The following OAS2 variants were observed in gnomAD, a reference collection of about 807,000 sequenced individuals.
OAS2 encodes 2'-5'-oligoadenylate synthase 2.
A neutral mutation model predicts 71.3 loss-of-function variants in OAS2; 67 were observed. The observed-to-expected ratio is 0.94, with a 90% CI of 0.77 to 1.15. The LOEUF is 1.15. OAS2 is among the 50% of genes most tolerant of loss of function. The probability of loss-of-function intolerance (pLI) is 0.00; values close to 1 mark genes in which losing one functional copy is unlikely to be tolerated. For synonymous variants in OAS2, 327 were observed against 321.8 expected, an observed-to-expected ratio of 1.02 and a Z score of -0.17; for missense variants, 789 against 822.5, an observed-to-expected ratio of 0.96 and a Z score of 0.50.
At chr12:112,995,566 CA>C (rs2044226629) in intron 3 of OAS2, 92 bp downstream of exon 3, 5 of 1,172,884 alleles carry the variant, frequency 4.3e-6, no homozygotes, top group Non-Finnish European at 6.1e-6. Flanking sequence ...CTTAGGTATA[CA>C]GCTCAACGCA....
At chr12:112,982,195 T>C (rs2044088884) in intron 1 of OAS2, among the ~76,000 whole-genome samples, 1 of 152,196 alleles carries the variant, frequency 6.6e-6, no homozygotes, top group Non-Finnish European at 1.5e-5. Context: ...TGACTTTTTC[T>C]TTTCCTATTT....
chr12:112,990,253 A>G (rs951347751), intron 2 of OAS2, among the ~76,000 whole-genome samples: 10 of 152,244 alleles, frequency 6.6e-5, no homozygotes, highest in Admixed American at 4.6e-4. Context: ...TGATTAGGTT[A>G]CAGCTTGATT....
chr12:113,008,272 G>T (rs1230836536), intron 9 of OAS2, among the ~76,000 whole-genome samples: 2 of 152,120 alleles, frequency 1.3e-5, no homozygotes, highest in Non-Finnish European at 2.9e-5. Context: ...TTGGGTTAGG[G>T]TTTATCTACT....
At chr12:113,007,977 C>A in intron 9 of OAS2, 34 bp downstream of exon 9, 1 of 1,478,986 alleles carries the variant, frequency 6.8e-7, no homozygotes, top group Non-Finnish European at 9.5e-7. Context: ...TTTTCTTAAC[C>A]TGATTCCCTT....
At chr12:112,979,367 A>G (rs2044058410) in intron 1 of OAS2, among the ~76,000 whole-genome samples, 1 of 152,126 alleles carries the variant, frequency 6.6e-6, no homozygotes. Context: ...ATGGCCCAAT[A>G]CTATCCTCTT....
chr12:112,995,208 C>A, intron 2 of OAS2, 88 bp from the exon 3 acceptor site: 1 of 1,236,256 alleles, frequency 8.1e-7, no homozygotes, highest in Non-Finnish European at 1.1e-6. Context: ...TGCTATCAAA[C>A]TATAACTGAC....
At chr12:113,008,767 C>G (rs975252637) in intron 9 of OAS2, among the ~76,000 whole-genome samples, 15 of 152,136 alleles carry the variant, frequency 9.9e-5, no homozygotes, top group African/African-American at 3.4e-4. Flanking sequence ...GCTGGGACTA[C>G]AGGTGCGCAC....
chr12:112,998,482 A>AGAT (rs1304564038), intron 5 of OAS2, 72 bp downstream of exon 5: 1 of 1,515,490 alleles, frequency 6.6e-7, no homozygotes, highest in Admixed American at 2.1e-5. Flanking sequence ...GCTAGGTCTT[A>AGAT]TCTGAGAGTA....
chr12:112,996,139 T>C (rs2044230552), intron 3 of OAS2, among the ~76,000 whole-genome samples: 2 of 152,158 alleles, frequency 1.3e-5, no homozygotes, highest in African/African-American at 4.8e-5. Flanking sequence ...CCATATTCAA[T>C]TGTATTAATG....
At chr12:112,986,025 A>G (rs1447274101) in intron 1 of OAS2, among the ~76,000 whole-genome samples, 2 of 152,230 alleles carry the variant, frequency 1.3e-5, no homozygotes, top group South Asian at 2.1e-4. Context: ...AGATGTGTCT[A>G]TAGTGTTGGT....
chr12:112,998,477 G>A, intron 5 of OAS2, 67 bp downstream of exon 5: 1 of 1,546,840 alleles, frequency 6.5e-7, no homozygotes, highest in South Asian at 1.2e-5. Flanking sequence ...CCCAGGCTAG[G>A]TCTTATCTGA....
chr12:113,008,959 AT>A, intron 9 of OAS2, 127 bp from the exon 10 acceptor site: 3 of 1,467,554 alleles, frequency 2.0e-6, no homozygotes, highest in Non-Finnish European at 2.7e-6. Context: ...CTACTAGTAA[AT>A]TTGAGTTGCT....
intron 2 of OAS2, among the ~76,000 whole-genome samples, chr12:112,991,499 T>C (rs1324698214): frequency 2.0e-5 from 3 of 151,288 alleles, no homozygotes; most frequent in African/African-American, 4.8e-5. Context: ...AATCAACATA[T>C]GTAAGGTGAA....
At chr12:112,994,196 C>T (rs1195244466) in intron 2 of OAS2, among the ~76,000 whole-genome samples, 1 of 152,112 alleles carries the variant, frequency 6.6e-6, no homozygotes, top group East Asian at 1.9e-4. Context: ...CCCGTTTTCC[C>T]ACACATAGTT....
In OAS2 at chr12:113,007,853, A is replaced by G. The variant is rs755636697; in HGVS notation, c.1805A>G (p.Tyr602Cys). The change falls in exon 9 of 10, where the codon TAT becomes TGT. Residue 602 changes from tyrosine (Y) to cysteine (C), a missense_variant. Coordinates refer to ENST00000392583, the MANE Select transcript of OAS2 (RefSeq NM_002535.3). ...FRTVLELVTQ[Y>C]QQLCIFWKVN... ...ACAGTCCTGGAGCTGGTCACACAAT[A>G]TCAGCAGCTCTGCATCTTCTGGAAG... 5.0e-6 allele frequency: 8 copies of G among 1,614,176 alleles called. No homozygotes were observed. The South Asian group carries it at 8.8e-5, about 18-fold the overall frequency.
intron 2 of OAS2, among the ~76,000 whole-genome samples, chr12:112,991,806 T>G (rs2044195079): frequency 6.6e-6 from 1 of 152,186 alleles, no homozygotes; most frequent in Admixed American, 6.5e-5. Flanking sequence ...ATGGAAATAA[T>G]GTATTTAGCT....
At position 113,010,460 on chromosome 12, in the gene OAS2, T is replaced by C. The variant is rs1266021642; in HGVS notation, c.*1205T>C. ...CATCCAGAAGCCATAGAATCCTGAA[T>C]AATAATTCTAAAAGAAACTTCTAGA... On this transcript the variant is annotated 3_prime_UTR_variant, in exon 10 of 10. Coordinates refer to ENST00000392583, the MANE Select transcript of OAS2 (RefSeq NM_002535.3). 1 of 1,613,652 alleles carries C rather than the reference T, an allele frequency of 6.2e-7. No homozygotes were observed. The highest frequency in any genetic ancestry group is 1.3e-5 in the African/African-American group (1 of 74,918).
chr12:113,006,471 G>T lies in OAS2; in HGVS notation c.1527G>T (p.Leu509=), dbSNP rs770617688. 1.2e-6 allele frequency: 2 copies of T among 1,613,152 alleles called. No homozygotes were observed. Among genetic ancestry groups the T allele is most frequent in the South Asian group, 1.1e-5 (1 of 90,988 alleles). ...SPEVYAGLID[L]YKSSDLPGGE... ...AGGTTTATGCAGGGCTCATTGATCT[G>T]TATAAATCCTCGGACCTCCCGGGAG... The change falls in exon 8 of 10, where the codon CTG becomes CTT. Residue 509 remains leucine, a synonymous_variant. Coordinates refer to ENST00000392583, the MANE Select transcript of OAS2 (RefSeq NM_002535.3).
At chr12:112,994,417 T>C (rs1158470632) in intron 2 of OAS2, among the ~76,000 whole-genome samples, 2 of 152,156 alleles carry the variant, frequency 1.3e-5, no homozygotes, top group African/African-American at 2.4e-5. Flanking sequence ...TAAATGTGTT[T>C]ATTTTATTTT....
Sources: allele counts gnomAD v4.1 joint callset (sites outside exome capture counted in the v4.1 genomes callset), GRCh38; gene constraint gnomAD v4.1.1; transcripts MANE v1.5; gene names NCBI Gene and HGNC (gene_info 2026-07-23, HGNC 2026-07-21).